The following MAP2K5 variants were observed in gnomAD, a reference collection of about 807,000 sequenced individuals.
MAP2K5 encodes the protein mitogen-activated protein kinase kinase 5.
A neutral mutation model predicts 83.1 loss-of-function variants in MAP2K5; 49 were observed. The observed-to-expected ratio is 0.59, with a 90% CI of 0.47 to 0.75. MAP2K5 has a LOEUF of 0.75. Among genes scored for constraint, MAP2K5 ranks in the 30% least tolerant of loss-of-function variants. MAP2K5 has a pLI of 0.00. For synonymous variants in MAP2K5, 202 were observed against 191.8 expected, an observed-to-expected ratio of 1.05 and a Z score of -0.44; for missense variants, 457 against 557.5, an observed-to-expected ratio of 0.82 and a Z score of 1.82.
chr15:67,568,698 G>A (rs2084890346), intron 3 of MAP2K5, among the ~76,000 whole-genome samples: 2 of 151,936 alleles, frequency 1.3e-5, no homozygotes, highest in African/African-American at 4.8e-5. Context: ...ACTTGAGTTT[G>A]TAGAGAAATG....
At chr15:67,609,074 T>C (rs1596642953) in intron 8 of MAP2K5, among the ~76,000 whole-genome samples, 1 of 152,184 alleles carries the variant, frequency 6.6e-6, no homozygotes, top group Non-Finnish European at 1.5e-5. Flanking sequence ...GTGGCTGTTG[T>C]TCAGAACTGC....
At chr15:67,742,539 C>T (rs1193875567) in intron 17 of MAP2K5, among the ~76,000 whole-genome samples, 1 of 152,152 alleles carries the variant, frequency 6.6e-6, no homozygotes, top group Non-Finnish European at 1.5e-5. Context: ...CCCATGTCTC[C>T]ACACACAATT....
At position 67,561,844 on chromosome 15, in the gene MAP2K5, G is replaced by T. The variant is rs1407128931; in HGVS notation, c.185-1439G>T. On this transcript the variant is annotated intron_variant, in intron 2 of 21. Coordinates refer to ENST00000178640, the MANE Select transcript of MAP2K5 (RefSeq NM_145160.3). This position sits in a 1 kb window ranked among gnomAD's most constrained non-coding sequence, Gnocchi z 4.2. Reference sequence around the variant, plus strand: ...CCATAGCCTAGTCACCAAGCAGGGGGATATCCTTGGAACTACAGCCAGACA... The same window carrying T: ...CCATAGCCTAGTCACCAAGCAGGGGTATATCCTTGGAACTACAGCCAGACA... Among the ~76,000 whole-genome samples, 1 of 152,178 alleles carries T rather than the reference G, an allele frequency of 6.6e-6. No homozygotes were observed. Among genetic ancestry groups the T allele is most frequent in the Non-Finnish European group, 1.5e-5 (1 of 68,036 alleles).
chr15:67,590,741 G>A (rs970335629), intron 6 of MAP2K5, among the ~76,000 whole-genome samples: 2 of 152,038 alleles, frequency 1.3e-5, no homozygotes, highest in African/African-American at 2.4e-5. Context: ...GGCTTGAGAC[G>A]CTGTGCTTGG....
intron 15 of MAP2K5, among the ~76,000 whole-genome samples, chr15:67,697,271 CT>C (rs1333203655): frequency 6.6e-6 from 1 of 152,166 alleles, no homozygotes; most frequent in Non-Finnish European, 1.5e-5. Context: ...ATAGCTTACA[CT>C]TAGGTAGCTT....
At chr15:67,575,542 C>T (rs2085037239) in intron 3 of MAP2K5, among the ~76,000 whole-genome samples, 1 of 152,196 alleles carries the variant, frequency 6.6e-6, no homozygotes. Flanking sequence ...ACCAGCTCAG[C>T]AGTCTACCAG....
At chr15:67,595,710 A>G (rs530686618) in intron 7 of MAP2K5, among the ~76,000 whole-genome samples, 121 of 152,052 alleles carry the variant, frequency 8.0e-4, no homozygotes, top group Non-Finnish European at 1.2e-3. Context: ...TTTATGTTGG[A>G]GTAATTCCAT....
At chr15:67,564,566 T>A (rs1217778815) in intron 3 of MAP2K5, among the ~76,000 whole-genome samples, 1 of 152,242 alleles carries the variant, frequency 6.6e-6, no homozygotes, top group Non-Finnish European at 1.5e-5. Flanking sequence ...AACAGAGCAT[T>A]GCATTCCAAC....
chr15:67,578,464 T>C (rs1018364876), intron 3 of MAP2K5, among the ~76,000 whole-genome samples: 1 of 152,218 alleles, frequency 6.6e-6, no homozygotes, highest in Admixed American at 6.5e-5. Context: ...ATTACTTTGC[T>C]ATGTGGAACA....
At chr15:67,707,967 A>G (rs2088596125) in intron 16 of MAP2K5, among the ~76,000 whole-genome samples, 1 of 152,142 alleles carries the variant, frequency 6.6e-6, no homozygotes, top group South Asian at 2.1e-4. Context: ...TAAAGAAAAA[A>G]AAACTGATAA....
chr15:67,709,138 A>G (rs967100218), intron 16 of MAP2K5, among the ~76,000 whole-genome samples: 10 of 152,290 alleles, frequency 6.6e-5, no homozygotes, highest in African/African-American at 1.7e-4. Flanking sequence ...AATGTGTTGT[A>G]GTTCCCCTCC....
rs777203130 is a variant in MAP2K5, at chr15:67,748,182, G to A, written c.1075-49G>A. Reference sequence around the variant, plus strand: ...CTCTCAGTGATCATAATGTGTCCAAGTGAGTCATTTTGATTATGACATGCT... The same window carrying A: ...CTCTCAGTGATCATAATGTGTCCAAATGAGTCATTTTGATTATGACATGCT... On this transcript the variant is annotated intron_variant, in intron 17 of 21. Coordinates refer to ENST00000178640, the MANE Select transcript of MAP2K5 (RefSeq NM_145160.3). This position sits in a 1 kb window ranked among gnomAD's most constrained non-coding sequence, Gnocchi z 4.0. The A allele has an allele frequency of 2.1e-6, 3 of 1,400,580 alleles. No individual in the cohort carries two copies. The highest frequency in any genetic ancestry group is 3.4e-5 in the Admixed American group (2 of 58,730). 86.8% of individuals were successfully genotyped at this position (1,400,580 alleles called of 1,614,324 possible).
At chr15:67,711,088 G>A (rs939118766) in intron 16 of MAP2K5, among the ~76,000 whole-genome samples, 1 of 152,140 alleles carries the variant, frequency 6.6e-6, no homozygotes, top group African/African-American at 2.4e-5. Flanking sequence ...GTAATTTATA[G>A]GCATGTCATA....
Position 67,677,355 on chromosome 15 carries a change from A to G in MAP2K5, c.847+12710A>G, listed in dbSNP as rs1170076815. 2.0e-5 allele frequency among the ~76,000 whole-genome samples: 3 copies of G among 152,190 alleles called. No individual in the cohort carries two copies. Among genetic ancestry groups the G allele is most frequent in the African/African-American group, 4.8e-5 (2 of 41,434 alleles). ...GGGGTTAATAATAGTACCTATCTCA[A>G]GGGTTACAATGAGAATTAAATGAGG... On this transcript the variant is annotated intron_variant, in intron 13 of 21. Coordinates refer to ENST00000178640, the MANE Select transcript of MAP2K5 (RefSeq NM_145160.3). The surrounding 1 kb of genome is among the most constrained non-coding windows in gnomAD (Gnocchi z 4.2).
At chr15:67,752,103 T>C (rs1170042774) in intron 19 of MAP2K5, among the ~76,000 whole-genome samples, 1 of 152,220 alleles carries the variant, frequency 6.6e-6, no homozygotes, top group East Asian at 1.9e-4. Context: ...TTTGCTCTTG[T>C]TGCCCAGGCT....
chr15:67,769,783 G>A lies in MAP2K5; in HGVS notation c.1196+120G>A, dbSNP rs1596943591. On this transcript the variant is annotated intron_variant, in intron 20 of 21. Transcript: ENST00000178640. This position sits in a 1 kb window ranked among gnomAD's most constrained non-coding sequence, Gnocchi z 5.2. ...CTTTTGGAGACAGGAGGGACTTCGGGGCCTTGGGCAGATGGGGCAGCAAAG... is the reference window on the plus strand; with the variant it reads ...CTTTTGGAGACAGGAGGGACTTCGGAGCCTTGGGCAGATGGGGCAGCAAAG... 1.1e-6 allele frequency: 1 copy of A among 916,048 alleles called. No homozygotes were observed. The highest frequency in any genetic ancestry group is 1.5e-5 in the South Asian group (1 of 65,532). The allele number at this position is 916,048 out of a possible 1,614,324, so 56.7% of individuals were successfully genotyped here.
chr15:67,688,917 G>C (rs952792475), intron 13 of MAP2K5, among the ~76,000 whole-genome samples: 1 of 152,160 alleles, frequency 6.6e-6, no homozygotes, highest in Non-Finnish European at 1.5e-5. Flanking sequence ...TGCTGGTAAA[G>C]GGGACATTTA....
intron 11 of MAP2K5, among the ~76,000 whole-genome samples, chr15:67,655,471 G>A (rs149174609): frequency 1.8e-4 from 27 of 152,090 alleles, no homozygotes; most frequent in Non-Finnish European, 3.4e-4. Flanking sequence ...CTTCAGTTTC[G>A]TAGAATAGTT....
At chr15:67,791,560 G>T (rs893640805) in intron 21 of MAP2K5, among the ~76,000 whole-genome samples, 5 of 152,218 alleles carry the variant, frequency 3.3e-5, no homozygotes, top group African/African-American at 9.7e-5. Flanking sequence ...CACAGGGTAA[G>T]TGCTCACAAC....
Sources: gnomAD v4.1 joint callset for allele counts (sites outside exome capture counted in the v4.1 genomes callset) on GRCh38, gnomAD v4.1.1 for gene constraint, Gnocchi (gnomAD v3.1) non-coding constraint, MANE v1.5 for transcripts, NCBI Gene and HGNC (gene_info 2026-07-23, HGNC 2026-07-21) for gene names.